Variants in MAD1L1 observed in about 807,000 individuals in gnomAD.
The protein encoded by MAD1L1 is mitotic spindle assembly checkpoint protein MAD1.
A neutral mutation model predicts 96.9 loss-of-function variants in MAD1L1; 95 were observed. That is an observed-to-expected ratio of 0.98 (90% CI 0.83 to 1.16). MAD1L1 has a LOEUF of 1.16. MAD1L1 is among the 50% of genes most tolerant of loss of function. The pLI, the probability that MAD1L1 is intolerant of heterozygous loss-of-function variation, is 0.00. For synonymous variants in MAD1L1, 473 were observed against 396.6 expected, an observed-to-expected ratio of 1.19 and a Z score of -2.29; for missense variants, 1,007 against 954.4, an observed-to-expected ratio of 1.06 and a Z score of -0.73.
chr7:2,183,312 A>G (rs1791294333), intron 10 of MAD1L1, among the ~76,000 whole-genome samples: 1 of 152,230 alleles, frequency 6.6e-6, no homozygotes, highest in Non-Finnish European at 1.5e-5. Flanking sequence ...GACAGGGCAA[A>G]AATGTTGACA....
intron 12 of MAD1L1, among the ~76,000 whole-genome samples, chr7:2,062,543 C>A (rs1285285422): frequency 6.6e-6 from 1 of 152,072 alleles, no homozygotes; most frequent in African/African-American, 2.4e-5. Flanking sequence ...CGACTGCACT[C>A]CAGCCTGGGC....
At chr7:2,090,671 G>A (rs1281190901) in intron 11 of MAD1L1, among the ~76,000 whole-genome samples, 1 of 152,228 alleles carries the variant, frequency 6.6e-6, no homozygotes, top group Non-Finnish European at 1.5e-5. Context: ...GACTGGCCCA[G>A]GCAGGCCCCC....
intron 17 of MAD1L1, among the ~76,000 whole-genome samples, chr7:1,908,899 T>C (rs1442719542): frequency 6.6e-6 from 1 of 152,208 alleles, no homozygotes; most frequent in African/African-American, 2.4e-5. Flanking sequence ...TCGTTAGATG[T>C]CTCCCTGGCG....
intron 11 of MAD1L1, among the ~76,000 whole-genome samples, chr7:2,092,963 T>G (rs1786290678): frequency 6.6e-6 from 1 of 151,686 alleles, no homozygotes; most frequent in South Asian, 2.1e-4. Flanking sequence ...TTGGGCCGAG[T>G]GCAGTGGCTC....
At chr7:2,120,268 C>T (rs1370546307) in intron 11 of MAD1L1, among the ~76,000 whole-genome samples, 2 of 152,232 alleles carry the variant, frequency 1.3e-5, no homozygotes, top group Non-Finnish European at 2.9e-5. Context: ...ACAGCCCCGC[C>T]TGTATGTTAC....
intron 15 of MAD1L1, among the ~76,000 whole-genome samples, chr7:1,973,951 C>T (rs564842412): frequency 6.6e-5 from 10 of 152,336 alleles, no homozygotes; most frequent in South Asian, 4.1e-4. Context: ...GCAGGAGACG[C>T]GCTCCCCGAG....
chr7:2,162,726 A>AC (rs60416129), intron 10 of MAD1L1, among the ~76,000 whole-genome samples: 46 of 148,634 alleles, frequency 3.1e-4, no homozygotes, highest in Admixed American at 5.4e-4. Context: ...AAAAAAAAAA[A>AC]CGTAATGGAT....
At chr7:2,053,915 C>T (rs929456356) in intron 12 of MAD1L1, among the ~76,000 whole-genome samples, 1 of 152,252 alleles carries the variant, frequency 6.6e-6, no homozygotes, top group Non-Finnish European at 1.5e-5. Flanking sequence ...GAGGAGACAG[C>T]CTTATCTCAG....
intron 12 of MAD1L1, among the ~76,000 whole-genome samples, chr7:2,030,852 G>A (rs534269724): frequency 6.6e-6 from 1 of 152,278 alleles, no homozygotes; most frequent in African/African-American, 2.4e-5. Context: ...GGTGCTCTCG[G>A]CCAACCTTGC....
chr7:2,140,803 T>C (rs1370577371), intron 11 of MAD1L1, among the ~76,000 whole-genome samples: 1 of 152,262 alleles, frequency 6.6e-6, no homozygotes, highest in East Asian at 1.9e-4. Flanking sequence ...CTATGGCAAC[T>C]GCCACAGAGC....
intron 11 of MAD1L1, among the ~76,000 whole-genome samples, chr7:2,125,121 C>A (rs912560134): frequency 6.6e-6 from 1 of 152,202 alleles, no homozygotes; most frequent in Admixed American, 6.5e-5. Flanking sequence ...TTTACAGACA[C>A]AGGACCTGCC....
At chr7:1,987,771 T>C (rs2128487526) in intron 14 of MAD1L1, among the ~76,000 whole-genome samples, 1 of 152,270 alleles carries the variant, frequency 6.6e-6, no homozygotes, top group East Asian at 1.9e-4. Flanking sequence ...TGAGGACCTG[T>C]GGGACTCGCT....
intron 3 of MAD1L1, among the ~76,000 whole-genome samples, chr7:2,228,724 A>G (rs911207224): frequency 6.7e-6 from 1 of 148,818 alleles, no homozygotes; most frequent in Non-Finnish European, 1.5e-5. Context: ...AAGGGCAGTG[A>G]GCAAGCTAGC....
intron 11 of MAD1L1, among the ~76,000 whole-genome samples, chr7:2,118,694 G>A (rs1392707754): frequency 1.3e-5 from 2 of 152,228 alleles, no homozygotes; most frequent in African/African-American, 4.8e-5. Flanking sequence ...CCCACACACT[G>A]CCTCCATGGC....
At chr7:1,952,882 C>T (rs1779564091) in intron 16 of MAD1L1, among the ~76,000 whole-genome samples, 1 of 152,210 alleles carries the variant, frequency 6.6e-6, no homozygotes, top group Non-Finnish European at 1.5e-5. Context: ...ACTAAGAGTC[C>T]AGCGAGCGGG....
chr7:2,096,631 AC>A (rs1786504545), intron 11 of MAD1L1, among the ~76,000 whole-genome samples: 1 of 152,068 alleles, frequency 6.6e-6, no homozygotes, highest in Admixed American at 6.5e-5. Context: ...CTACAGCGAG[AC>A]CCTACAGCTC....
At chr7:2,172,293 G>A (rs73676606) in intron 10 of MAD1L1, among the ~76,000 whole-genome samples, 2,556 of 152,214 alleles carry the variant, frequency 0.017, 80 homozygotes, top group African/African-American at 0.058. Flanking sequence ...CACGAGGCTC[G>A]GGTGGGACGT....
chr7:1,843,429 C>T (rs1378236440), intron 18 of MAD1L1, among the ~76,000 whole-genome samples: 1 of 151,868 alleles, frequency 6.6e-6, no homozygotes, highest in Non-Finnish European at 1.5e-5. Flanking sequence ...GCGGTGTAGA[C>T]CTCCTCTGTC....
intron 12 of MAD1L1, among the ~76,000 whole-genome samples, chr7:2,025,664 C>T (rs1782964966): frequency 6.6e-6 from 1 of 152,140 alleles, no homozygotes; most frequent in South Asian, 2.1e-4. Flanking sequence ...TATACAAAAA[C>T]AGTATCTTTT....
Sources: allele counts gnomAD v4.1 joint callset (sites outside exome capture counted in the v4.1 genomes callset), GRCh38; gene constraint gnomAD v4.1.1; transcripts MANE v1.5; gene names NCBI Gene and HGNC (gene_info 2026-07-23, HGNC 2026-07-21).